The following KIT variants were observed in gnomAD, a reference collection of about 807,000 sequenced individuals.
The protein encoded by KIT is mast/stem cell growth factor receptor Kit.
In KIT, 16 loss-of-function variants were observed where a neutral mutation model predicts 105.7. That is an observed-to-expected ratio of 0.15 (90% CI 0.10 to 0.23). The LOEUF (loss-of-function observed/expected upper bound fraction) is 0.23. Among genes scored for constraint, KIT ranks in the 10% least tolerant of loss-of-function variants. The pLI, the probability that KIT is intolerant of heterozygous loss-of-function variation, is 1.00. For synonymous variants in KIT, 438 were observed against 441.1 expected (o/e 0.99, Z 0.09); for missense variants, 858 against 1,213.8 (o/e 0.71, Z 4.36).
chr4:54,684,746 G>A (rs987076309), intron 1 of KIT, among the ~76,000 whole-genome samples: 1 of 152,202 alleles, frequency 6.6e-6, no homozygotes, highest in Non-Finnish European at 1.5e-5. Flanking sequence ...CCATACCAAT[G>A]GCCGGGCCTG....
intron 7 of KIT, among the ~76,000 whole-genome samples, chr4:54,714,840 G>A (rs1387779648): frequency 6.6e-6 from 1 of 152,156 alleles, no homozygotes; most frequent in Non-Finnish European, 1.5e-5. Flanking sequence ...TCCTCACGTG[G>A]TGGTGACGGG....
intron 1 of KIT, among the ~76,000 whole-genome samples, chr4:54,666,195 G>A (rs1560372758): frequency 6.6e-6 from 1 of 152,198 alleles, no homozygotes; most frequent in Admixed American, 6.5e-5. Context: ...TTTTTAGTGT[G>A]TGAGTGAAAA....
intron 1 of KIT, among the ~76,000 whole-genome samples, chr4:54,665,090 T>C (rs1560371965): frequency 6.6e-6 from 1 of 152,186 alleles, no homozygotes; most frequent in East Asian, 1.9e-4. Context: ...ACTTTCTGTC[T>C]CTGAATTTGA....
chr4:54,729,181 G>C, intron 13 of KIT, 154 bp from the exon 14 acceptor site: 1 of 730,234 alleles, frequency 1.4e-6, no homozygotes, highest in East Asian at 2.6e-5. Context: ...TTTTTGATAA[G>C]CAGTGTTAAT....
intron 7 of KIT, among the ~76,000 whole-genome samples, chr4:54,720,015 G>A (rs546264465): frequency 6.6e-6 from 1 of 152,198 alleles, no homozygotes; most frequent in African/African-American, 2.4e-5. Flanking sequence ...ATAAGGAGGT[G>A]CTCTCACAGA....
Position 54,703,722 on chromosome 4 carries a change from A to T in KIT, c.757-2A>T. On this transcript the variant is annotated splice_acceptor_variant, in intron 4 of 20. Coordinates refer to ENST00000288135, the MANE Select transcript of KIT (RefSeq NM_000222.3). LOFTEE classifies it high-confidence loss of function. Reference sequence around the variant, plus strand: ...TTTTTTCTCCTTTTCTGAAACCAGCAGACTAAACTACAGGAGAAATATAAT... The same window carrying T: ...TTTTTTCTCCTTTTCTGAAACCAGCTGACTAAACTACAGGAGAAATATAAT... 4 of 1,612,714 alleles carry T rather than the reference A, an allele frequency of 2.5e-6. No homozygotes were observed. The highest frequency in any genetic ancestry group is 3.4e-6 in the Non-Finnish European group (4 of 1,178,808).
chr4:54,662,167 C>G (rs971605727), intron 1 of KIT, among the ~76,000 whole-genome samples: 4 of 152,110 alleles, frequency 2.6e-5, no homozygotes, highest in African/African-American at 9.7e-5. Flanking sequence ...CCTGCCATCC[C>G]TTAGGCATTC....
At chr4:54,692,222 A>G (rs1393173013) in intron 1 of KIT, among the ~76,000 whole-genome samples, 1 of 152,240 alleles carries the variant, frequency 6.6e-6, no homozygotes, top group East Asian at 1.9e-4. Context: ...CTCAAGAGCC[A>G]GGCTCTCACT....
intron 14 of KIT, among the ~76,000 whole-genome samples, chr4:54,730,456 A>G (rs1042471010): frequency 2.0e-5 from 3 of 151,864 alleles, no homozygotes; most frequent in Non-Finnish European, 2.9e-5. Flanking sequence ...AAAGTTTAAA[A>G]CCCCAGGTGA....
At chr4:54,731,277 C>T in intron 14 of KIT, 51 bp from the exon 15 acceptor site, 2 of 1,256,134 alleles carry the variant, frequency 1.6e-6, no homozygotes, top group Non-Finnish European at 2.3e-6. Context: ...CCATGAGTGC[C>T]CTTCTACATG....
intron 9 of KIT, 126 bp from the exon 10 acceptor site, chr4:54,727,092 C>T (rs1722267910): frequency 5.0e-6 from 4 of 802,800 alleles, no homozygotes; most frequent in Non-Finnish European, 8.9e-6. Flanking sequence ...AGCTCTGAGA[C>T]TCACATAGCT....
At chr4:54,729,257 C>T in intron 13 of KIT, 78 bp from the exon 14 acceptor site, 1 of 1,503,496 alleles carries the variant, frequency 6.7e-7, no homozygotes, top group Non-Finnish European at 9.2e-7. Context: ...GCCATGACCA[C>T]CCTTGGGTAT....
At chr4:54,723,112 C>T (rs1448940912) in intron 7 of KIT, among the ~76,000 whole-genome samples, 1 of 151,994 alleles carries the variant, frequency 6.6e-6, no homozygotes, top group Non-Finnish European at 1.5e-5. Context: ...CATGTAAGAG[C>T]AAAAGAGTGG....
At chr4:54,689,363 G>C (rs2109637361) in intron 1 of KIT, among the ~76,000 whole-genome samples, 1 of 152,320 alleles carries the variant, frequency 6.6e-6, no homozygotes. Context: ...GAGCAGAAGA[G>C]CAAAGATACA....
At chr4:54,733,344 G>T in intron 17 of KIT, 152 bp downstream of exon 17, 1 of 741,218 alleles carries the variant, frequency 1.3e-6, no homozygotes, top group Non-Finnish European at 2.3e-6. Flanking sequence ...AGCAAAATTT[G>T]CATGGTATGC....
chr4:54,729,321 T>G lies in KIT; in HGVS notation c.1991-14T>G, dbSNP rs1219762248. ...ATCTCACCTTCTTTCTAACCTTTTC[T>G]TATGTGCTTTTAGGGCCCACCCTGG... On this transcript the variant is annotated splice_polypyrimidine_tract_variant and intron_variant, in intron 13 of 20. Coordinates refer to ENST00000288135, the MANE Select transcript of KIT (RefSeq NM_000222.3). The G allele has an allele frequency of 6.2e-7, 1 of 1,613,082 alleles. No individual in the cohort carries two copies.
rs923731101 is a variant in KIT, at chr4:54,674,842, A to G, written c.67+16761A>G. On this transcript the variant is annotated intron_variant, in intron 1 of 20. Transcript: ENST00000288135. The stretch of plus-strand genomic sequence containing the variant: ...GAGCTATTATTTCTGAGAAAAATTT[A>G]TAAGAACTGACATGCTTTTGTCATT... Among the ~76,000 whole-genome samples the G allele has an allele frequency of 5.3e-5, 8 of 152,350 alleles. No individual in the cohort carries two copies. The South Asian group carries it at 1.5e-3, about 28-fold the overall frequency.
At chr4:54,727,767 C>T (rs1722333340) in intron 11 of KIT, 56 bp from the exon 12 acceptor site, 1 of 1,436,910 alleles carries the variant, frequency 7.0e-7, no homozygotes, top group South Asian at 1.1e-5. Context: ...ACAAATGGTC[C>T]TTCAATTCCA....
At chr4:54,685,465 G>C (rs1719246123) in intron 1 of KIT, among the ~76,000 whole-genome samples, 1 of 152,128 alleles carries the variant, frequency 6.6e-6, no homozygotes, top group African/African-American at 2.4e-5. Flanking sequence ...CTGGCATAAA[G>C]CCACCCCTCC....
Sources: allele counts gnomAD v4.1 joint callset (sites outside exome capture counted in the v4.1 genomes callset), GRCh38; gene constraint gnomAD v4.1.1; transcripts MANE v1.5; gene names NCBI Gene and HGNC (gene_info 2026-07-23, HGNC 2026-07-21).